The following SCN2B variants were observed in gnomAD, a reference collection of about 807,000 sequenced individuals.
SCN2B encodes sodium channel regulatory subunit beta-2.
A neutral mutation model predicts 18.2 loss-of-function variants in SCN2B; 14 were observed. The ratio of observed to expected loss-of-function variants is 0.77; its 90% CI spans 0.51 to 1.21. The LOEUF (loss-of-function observed/expected upper bound fraction) is 1.21. SCN2B is among the 50% of genes most tolerant of loss of function. The probability of loss-of-function intolerance (pLI) is 0.00; values close to 1 mark genes in which losing one functional copy is unlikely to be tolerated. For synonymous variants in SCN2B, 115 were observed against 115.3 expected, an observed-to-expected ratio of 1.00 and a Z score of 0.02; for missense variants, 262 against 286.9, an observed-to-expected ratio of 0.91 and a Z score of 0.63.
Position 118,166,639 on chromosome 11 carries a change from G to T in SCN2B, c.*248C>A. The T allele has an allele frequency of 1.8e-6, 1 of 558,272 alleles. No homozygotes were observed. The highest frequency in any genetic ancestry group is 3.2e-6 in the Non-Finnish European group (1 of 310,090). The allele number at this position is 558,272 out of a possible 1,614,324, so 34.6% of individuals were successfully genotyped here. A position where few individuals can be genotyped will look rare whatever the true frequency, so the allele number is the denominator to read the frequency against. On this transcript the variant is annotated 3_prime_UTR_variant, in exon 4 of 4. Coordinates refer to ENST00000278947, the MANE Select transcript of SCN2B (RefSeq NM_004588.5). ...TCCTGCCTCCCCCCAGGGACTGGCAGGTGGGAGCCCTTTCTCTCCTCTCCC... is the reference window on the plus strand; with the variant it reads ...TCCTGCCTCCCCCCAGGGACTGGCATGTGGGAGCCCTTTCTCTCCTCTCCC...
rs1353240024 is a variant in SCN2B, at chr11:118,163,507, G to A, written c.*3380C>T. 1 of 152,658 alleles carries A rather than the reference G, an allele frequency of 6.6e-6. No individual in the cohort carries two copies. Among genetic ancestry groups the A allele is most frequent in the African/African-American group, 2.4e-5 (1 of 41,440 alleles). 9.5% of individuals were successfully genotyped at this position (152,658 alleles called of 1,614,324 possible). On this transcript the variant is annotated 3_prime_UTR_variant, in exon 4 of 4. Transcript: ENST00000278947. ...AACTGTGAAGAGTCCATAGCTAGGG[G>A]GCAGATAGCTATTTCCAAAGCCAGT...
Position 118,168,496 on chromosome 11 carries a change from G to A in SCN2B, c.237+89C>T, listed in dbSNP as rs546457349. 31 of 1,542,616 alleles carry A rather than the reference G, an allele frequency of 2.0e-5. 1 individual carries two copies. In the Middle Eastern group the frequency reaches 5.1e-4, roughly 25 times the overall value. ...ACCCAGGGTCCTCTGGGGCCCTAGC[G>A]CAGTGCCGGGGCCGGTGGTGGGACC... On this transcript the variant is annotated intron_variant, in intron 2 of 3. Transcript: ENST00000278947. This position sits in a 1 kb window ranked among gnomAD's most constrained non-coding sequence, Gnocchi z 4.7.
chr11:118,172,355 G>A (rs1479736142), intron 1 of SCN2B, among the ~76,000 whole-genome samples: 1 of 152,222 alleles, frequency 6.6e-6, no homozygotes, highest in African/African-American at 2.4e-5. Flanking sequence ...GTTAAGAGAC[G>A]AGCCCAAGTT....
At chr11:118,174,786 T>C (rs1024291747) in intron 1 of SCN2B, among the ~76,000 whole-genome samples, 3 of 152,188 alleles carry the variant, frequency 2.0e-5, no homozygotes, top group African/African-American at 7.2e-5. Flanking sequence ...TACTTAGCCA[T>C]GGCTCTCACC....
chr11:118,164,332 G>A lies in SCN2B; in HGVS notation c.*2555C>T, dbSNP rs1948359348. 1 of 152,684 alleles carries A rather than the reference G, an allele frequency of 6.5e-6. No individual in the cohort carries two copies. Among genetic ancestry groups the A allele is most frequent in the African/African-American group, 2.4e-5 (1 of 41,456 alleles). The allele number at this position is 152,684 out of a possible 1,614,324, so 9.5% of individuals were successfully genotyped here. On this transcript the variant is annotated 3_prime_UTR_variant, in exon 4 of 4. Coordinates refer to ENST00000278947, the MANE Select transcript of SCN2B (RefSeq NM_004588.5). ...CACTCTTGGTCTCAGCTGGCATGAG[G>A]TGCCCGCCACCCACCTCTCTGCCCC...
At chr11:118,175,605 T>G (rs898182664) in intron 1 of SCN2B, among the ~76,000 whole-genome samples, 1 of 152,118 alleles carries the variant, frequency 6.6e-6, no homozygotes, top group Non-Finnish European at 1.5e-5. Flanking sequence ...AGTCTCTGAG[T>G]GGTCAAATAC....
At chr11:118,170,486 G>T (rs1241298985) in intron 1 of SCN2B, among the ~76,000 whole-genome samples, 1 of 152,140 alleles carries the variant, frequency 6.6e-6, no homozygotes, top group East Asian at 1.9e-4. Flanking sequence ...CAAGAGTTAG[G>T]CAGGGACCAG....
Position 118,176,037 on chromosome 11 carries a change from TC to T in SCN2B, c.70+324del, listed in dbSNP as rs1047189233. On this transcript the variant is annotated intron_variant, in intron 1 of 3. Coordinates refer to ENST00000278947, the MANE Select transcript of SCN2B (RefSeq NM_004588.5). ...CATTTGCAGCAACTCCAAAAAATAATCCCTGAAGAGACTGCAGGTCAATCCA... is the reference window on the plus strand; with the variant it reads ...CATTTGCAGCAACTCCAAAAAATAATCCTGAAGAGACTGCAGGTCAATCCA... 3.0e-4 allele frequency among the ~76,000 whole-genome samples: 45 copies of T among 152,126 alleles called. 1 individual carries two copies. The highest frequency in any genetic ancestry group is 6.8e-3 in the Middle Eastern group (2 of 294).
rs2135515230 is a variant in SCN2B, at chr11:118,162,870, C to T, written c.*4017G>A. ...ACAATAAGACAAATTGCAAAAGAAA[C>T]TCAGTCTGCTCCCAAAAGCAGATAC... is the stretch of plus-strand genomic sequence containing the variant. On this transcript the variant is annotated 3_prime_UTR_variant, in exon 4 of 4. Coordinates refer to ENST00000278947, the MANE Select transcript of SCN2B (RefSeq NM_004588.5). 1 of 152,390 alleles carries T rather than the reference C, an allele frequency of 6.6e-6. No individual in the cohort carries two copies. Among genetic ancestry groups the T allele is most frequent in the South Asian group, 2.1e-4 (1 of 4,824 alleles). The allele number at this position is 152,390 out of a possible 1,614,324, so 9.4% of individuals were successfully genotyped here. A position where few individuals can be genotyped will look rare whatever the true frequency, so the allele number is the denominator to read the frequency against.
At chr11:118,171,557 C>G (rs934341790) in intron 1 of SCN2B, among the ~76,000 whole-genome samples, 1 of 152,236 alleles carries the variant, frequency 6.6e-6, no homozygotes, top group South Asian at 2.1e-4. Context: ...TTCTGCGAAG[C>G]CCGGCGGACT....
In SCN2B at chr11:118,167,024, C is replaced by A. The variant is rs758440956; in HGVS notation, c.511G>T (p.Ala171Ser). 3.1e-6 allele frequency: 5 copies of A among 1,613,902 alleles called. No homozygotes were observed. The highest frequency in any genetic ancestry group is 4.2e-6 in the Non-Finnish European group (5 of 1,180,032). ...ACCATCAGCACCAAGATGACCACAG[C>A]CAGGAAGCCCCCGACGGAGGCACCC... ...IVGASVGGFL[A>S]VVILVLMVVK... The change falls in exon 4 of 4, where the codon GCT (alanine) becomes TCT (serine). Residue 171 changes from alanine to serine, a missense_variant. Physicochemically the swap from Ala to Ser is moderately conservative, Grantham distance 99 (BLOSUM62 1). Transcript: ENST00000278947.
Position 118,176,357 on chromosome 11 carries a change from C to A in SCN2B, c.70+5G>T, listed in dbSNP as rs1414322562. 1 of 1,613,492 alleles carries A rather than the reference C, an allele frequency of 6.2e-7. No individual in the cohort carries two copies. The highest frequency in any genetic ancestry group is 8.5e-7 in the Non-Finnish European group (1 of 1,179,630). Reference sequence around the variant, plus strand: ...CTCGGGAGCATGCAGATGTGTCTAACTTACCCAAAGAGAAAAAGAGACTGA... The same window carrying A: ...CTCGGGAGCATGCAGATGTGTCTAAATTACCCAAAGAGAAAAAGAGACTGA... On this transcript the variant is annotated splice_donor_5th_base_variant and intron_variant, in intron 1 of 3. Transcript: ENST00000278947.
At chr11:118,167,204 T>A in intron 3 of SCN2B, 118 bp from the exon 4 acceptor site, 1 of 1,112,174 alleles carries the variant, frequency 9.0e-7, no homozygotes, top group Non-Finnish European at 1.3e-6. Context: ...CAGACAGGAC[T>A]TTAGCAAAGC....
chr11:118,165,430 T>A lies in SCN2B; in HGVS notation c.*1457A>T, dbSNP rs1394986069. The A allele has an allele frequency of 6.6e-6, 1 of 152,200 alleles. No individual in the cohort carries two copies. Among genetic ancestry groups the A allele is most frequent in the Non-Finnish European group, 1.5e-5 (1 of 68,088 alleles). 9.4% of individuals were successfully genotyped at this position (152,200 alleles called of 1,614,324 possible). A position where few individuals can be genotyped will look rare whatever the true frequency, so the allele number is the denominator to read the frequency against. ...AATCAATTTCCATTGAATGTGAGTG[T>A]AATGGCAGTGATGGTTGGCTCCGCA... On this transcript the variant is annotated 3_prime_UTR_variant, in exon 4 of 4. Transcript: ENST00000278947.
rs548852000 is a variant in SCN2B at position 118,163,964 on chromosome 11, A to C, written c.*2923T>G. ...TGGAGGAGATTCTAAGAGGCTCCAGAAGAAAATGCATATGAGGGCTGAGCA... is the reference window on the plus strand; with the variant it reads ...TGGAGGAGATTCTAAGAGGCTCCAGCAGAAAATGCATATGAGGGCTGAGCA... On this transcript the variant is annotated 3_prime_UTR_variant, in exon 4 of 4. Transcript: ENST00000278947. 2 of 152,280 alleles carry C rather than the reference A, an allele frequency of 1.3e-5. No homozygotes were observed. Among genetic ancestry groups the C allele is most frequent in the South Asian group, 4.1e-4 (2 of 4,828 alleles). The allele number at this position is 152,280 out of a possible 1,614,324, so 9.4% of individuals were successfully genotyped here.
Position 118,166,833 on chromosome 11 carries a change from C to T in SCN2B, c.*54G>A. The T allele has an allele frequency of 1.9e-6, 3 of 1,605,524 alleles. No homozygotes were observed. In the African/African-American group the frequency reaches 4.0e-5, roughly 21 times the overall value. On this transcript the variant is annotated 3_prime_UTR_variant, in exon 4 of 4. Coordinates refer to ENST00000278947, the MANE Select transcript of SCN2B (RefSeq NM_004588.5). ...AGAGCGAGCAGGCAGGGTCACTGTA[C>T]AGGGCGGAGAGGGGAGGAGACGGGA...
At chr11:118,172,761 C>G (rs1271640361) in intron 1 of SCN2B, among the ~76,000 whole-genome samples, 4 of 152,240 alleles carry the variant, frequency 2.6e-5, no homozygotes, top group Non-Finnish European at 5.9e-5. Flanking sequence ...ACTGTTCTAA[C>G]TAGCCCATCT....
intron 1 of SCN2B, among the ~76,000 whole-genome samples, chr11:118,171,200 A>G (rs934336305): frequency 6.6e-6 from 1 of 152,164 alleles, no homozygotes; most frequent in Non-Finnish European, 1.5e-5. Flanking sequence ...TGCGTTTTCT[A>G]GAGGAGGAGT....
intron 1 of SCN2B, among the ~76,000 whole-genome samples, chr11:118,171,946 GA>G (rs1555101211): frequency 6.6e-6 from 1 of 152,216 alleles, no homozygotes; most frequent in Non-Finnish European, 1.5e-5. Context: ...GCCACACACA[GA>G]GAATAGGGAC....
Sources: allele counts gnomAD v4.1 joint callset (sites outside exome capture counted in the v4.1 genomes callset), GRCh38; gene constraint gnomAD v4.1.1; non-coding constraint Gnocchi (gnomAD v3.1); transcripts MANE v1.5; gene names NCBI Gene and HGNC (gene_info 2026-07-23, HGNC 2026-07-21).